Variants in BRWD1 observed in about 807,000 individuals in gnomAD.
BRWD1 encodes bromodomain and WD repeat-containing protein 1.
Under a neutral mutation model 251.2 loss-of-function variants are expected in BRWD1, and 82 were observed. The ratio of observed to expected loss-of-function variants is 0.33; its 90% CI spans 0.27 to 0.39. BRWD1 has a LOEUF of 0.39. Among genes scored for constraint, BRWD1 ranks in the 10% least tolerant of loss-of-function variants. The pLI is 1.00. For missense variants in BRWD1, 2,233 were observed against 2,711.6 expected (o/e 0.82, Z 3.92); for synonymous variants, 918 against 902.8 (o/e 1.02, Z -0.30).
Position 39,313,484 on chromosome 21 carries a change from T to C in BRWD1, c.8A>G (p.Glu3Gly). ...CACCGGGCGTCGGGCGGACGACGGCTCCGCCATGGCCGGGCGCGGGGCGGG... is the reference window on the plus strand; with the variant it reads ...CACCGGGCGTCGGGCGGACGACGGCCCCGCCATGGCCGGGCGCGGGGCGGG... MA[E>G]PSSARRPVPL... is the part of the protein sequence containing the mutation. The change falls in exon 1 of 41, where the codon GAG becomes GGG. Residue 3 changes from glutamate (E) to glycine (G), a missense_variant. Glu to Gly is a moderately conservative substitution (Grantham distance 98, BLOSUM62 -2). Coordinates refer to ENST00000342449, the MANE Select transcript of BRWD1 (RefSeq NM_033656.4). The C allele has an allele frequency of 3.2e-6, 4 of 1,253,256 alleles. No homozygotes were observed. The highest frequency in any genetic ancestry group is 2.0e-5 in the South Asian group (1 of 50,636). The allele number at this position is 1,253,256 out of a possible 1,614,324, so 77.6% of individuals were successfully genotyped here.
upstream of BRWD1, chr21:39,313,663 T>TCC: frequency 2.3e-6 from 1 of 437,748 alleles, no homozygotes; most frequent in Non-Finnish European, 3.8e-6. Flanking sequence ...GAGGAAGTAG[T>TCC]TCCTCCGCGG....
At chr21:39,204,994 A>G (rs557699917) in intron 37 of BRWD1, among the ~76,000 whole-genome samples, 1 of 152,316 alleles carries the variant, frequency 6.6e-6, no homozygotes, top group South Asian at 2.1e-4. Flanking sequence ...GCAAAATACA[A>G]ATGACACTTT....
At chr21:39,305,664 A>C (rs908302726) in intron 4 of BRWD1, among the ~76,000 whole-genome samples, 1 of 152,044 alleles carries the variant, frequency 6.6e-6, no homozygotes, top group Non-Finnish European at 1.5e-5. Flanking sequence ...AGAGATAGAG[A>C]CCATCCTGGC....
At chr21:39,198,733 C>T (rs771753901) in intron 40 of BRWD1, 30 bp downstream of exon 40, 18 of 1,519,398 alleles carry the variant, frequency 1.2e-5, no homozygotes, top group Non-Finnish European at 1.5e-5. Flanking sequence ...GAGAGTCAAT[C>T]AGTGAACAAA....
At chr21:39,202,666 A>C (rs1423019222) in intron 37 of BRWD1, 121 bp from the exon 38 acceptor site, 2 of 653,370 alleles carry the variant, frequency 3.1e-6, no homozygotes, top group Admixed American at 3.1e-5. Flanking sequence ...TTTATCATCA[A>C]AACATTAAAA....
upstream of BRWD1, chr21:39,314,119 G>T (rs1381217755): frequency 6.6e-6 from 3 of 455,896 alleles, no homozygotes; most frequent in Non-Finnish European, 1.3e-5. Context: ...AGTGCGTCTT[G>T]CCCCGCACGG....
chr21:39,211,026 A>G, intron 34 of BRWD1, 97 bp from the exon 35 acceptor site: 1 of 1,241,894 alleles, frequency 8.1e-7, no homozygotes, highest in South Asian at 1.5e-5. Flanking sequence ...AAAATACAAT[A>G]ATGTCATATA....
intron 36 of BRWD1, among the ~76,000 whole-genome samples, chr21:39,209,100 A>G (rs1468766284): frequency 6.6e-6 from 1 of 152,028 alleles, no homozygotes; most frequent in East Asian, 1.9e-4. Context: ...TGGAGTCTGC[A>G]AAGAATGAGC....
chr21:39,235,658 C>T (rs1358772184), intron 23 of BRWD1: 3 of 218,258 alleles, frequency 1.4e-5, no homozygotes, highest in Non-Finnish European at 3.0e-5. Flanking sequence ...TTCCCCAAGT[C>T]GGCTCCTTAA....
intron 29 of BRWD1, among the ~76,000 whole-genome samples, chr21:39,222,017 GA>G (rs1312457736): frequency 6.6e-6 from 1 of 151,816 alleles, no homozygotes; most frequent in African/African-American, 2.4e-5. Flanking sequence ...AAGGCAAATC[GA>G]AATCACAATA....
chr21:39,290,812 A>C lies in BRWD1; in HGVS notation c.831+2999T>G, dbSNP rs183642210. 2.6e-5 allele frequency among the ~76,000 whole-genome samples: 4 copies of C among 152,272 alleles called. No homozygotes were observed. In the East Asian group the frequency reaches 7.7e-4, roughly 29 times the overall value. ...TAACTAAAAGTAAGTACACAAACCA[A>C]AAATCTTGCTTAAACTTCCAAAATA... On this transcript the variant is annotated intron_variant, in intron 8 of 40. Coordinates refer to ENST00000342449, the MANE Select transcript of BRWD1 (RefSeq NM_033656.4).
chr21:39,188,890 T>A lies in BRWD1; in HGVS notation c.*7369A>T, dbSNP rs116325946. 3.3e-3 allele frequency: 3,213 copies of A among 985,404 alleles called. 72 individuals carry two copies. The African/African-American group carries it at 0.05, about 15-fold the overall frequency. 61.0% of individuals were successfully genotyped at this position (985,404 alleles called of 1,614,324 possible). ...TTCAGTGTTCAGTCTCCAGGCATTG[T>A]AAATGGCATTTTACCAGAGTAAGAC... On this transcript the variant is annotated 3_prime_UTR_variant, in exon 41 of 41. Transcript: ENST00000342449.
In BRWD1 at chr21:39,248,659, A is replaced by C. The variant is rs1210694021; in HGVS notation, c.2350-827T>G. ...TATCTCCCAAAAAAAAAAAAAAAAA[A>C]AAAAAAAAAAAAAAAAAAAAAACAC... On this transcript the variant is annotated intron_variant, in intron 20 of 40. Transcript: ENST00000342449. Among the ~76,000 whole-genome samples, 117 of 134,486 alleles carry C rather than the reference A, an allele frequency of 8.7e-4. 9 individuals carry two copies. The highest frequency in any genetic ancestry group is 1.2e-3 in the Non-Finnish European group (77 of 62,242). The allele number at this position is 134,486 out of a possible 152,430, so 88.2% of individuals were successfully genotyped here.
chr21:39,187,691 T>C lies in BRWD1; in HGVS notation c.*8568A>G. 1.0e-6 allele frequency: 1 copy of C among 985,402 alleles called. No homozygotes were observed. Among genetic ancestry groups the C allele is most frequent in the Non-Finnish European group, 1.2e-6 (1 of 829,894 alleles). The allele number at this position is 985,402 out of a possible 1,614,324, so 61.0% of individuals were successfully genotyped here. A position where few individuals can be genotyped will look rare whatever the true frequency, so the allele number is the denominator to read the frequency against. On this transcript the variant is annotated 3_prime_UTR_variant, in exon 41 of 41. Coordinates refer to ENST00000342449, the MANE Select transcript of BRWD1 (RefSeq NM_033656.4). ...TTCAGCATCGGCATCATAAAGCTGCTAATCTAAAAACATATATATGAGCAT... is the reference window on the plus strand; with the variant it reads ...TTCAGCATCGGCATCATAAAGCTGCCAATCTAAAAACATATATATGAGCAT...
At chr21:39,314,168 G>A (rs973477375), upstream of BRWD1, 1 of 456,006 alleles carries the variant, frequency 2.2e-6, no homozygotes, top group Non-Finnish European at 4.4e-6. Flanking sequence ...CTTTTAAAGT[G>A]AGGATTGGCT....
At chr21:39,241,935 C>T (rs1169949920) in intron 21 of BRWD1, among the ~76,000 whole-genome samples, 1 of 152,190 alleles carries the variant, frequency 6.6e-6, no homozygotes, top group African/African-American at 2.4e-5. Context: ...AGGAACAATA[C>T]TCATATAAGA....
At chr21:39,266,937 C>T (rs374800535) in intron 15 of BRWD1, among the ~76,000 whole-genome samples, 7 of 152,052 alleles carry the variant, frequency 4.6e-5, no homozygotes, top group South Asian at 2.1e-4. Flanking sequence ...AGAGTTTTTC[C>T]GCTTATATTC....
At position 39,186,891 on chromosome 21, in the gene BRWD1, C is replaced by T. The variant is rs2031265898; in HGVS notation, c.*9368G>A. 7.0e-7 allele frequency: 1 copy of T among 1,425,500 alleles called. No individual in the cohort carries two copies. The highest frequency in any genetic ancestry group is 2.9e-5 in the Admixed American group (1 of 34,586). 88.3% of individuals were successfully genotyped at this position (1,425,500 alleles called of 1,614,324 possible). A position where few individuals can be genotyped will look rare whatever the true frequency, so the allele number is the denominator to read the frequency against. ...ACAAGAGCTGACTGGGAGGAACCCA[C>T]TGGATTATGGCTTTTAGAAAATTCC... On this transcript the variant is annotated 3_prime_UTR_variant, in exon 41 of 41. Transcript: ENST00000342449.
chr21:39,251,150 T>C (rs1341657807), intron 19 of BRWD1, among the ~76,000 whole-genome samples: 1 of 152,172 alleles, frequency 6.6e-6, no homozygotes, highest in African/African-American at 2.4e-5. Flanking sequence ...TCAAACAGAA[T>C]CTCCCATAAT....
Sources: allele counts gnomAD v4.1 joint callset (sites outside exome capture counted in the v4.1 genomes callset), GRCh38; gene constraint gnomAD v4.1.1; transcripts MANE v1.5; gene names NCBI Gene and HGNC (gene_info 2026-07-23, HGNC 2026-07-21).